Variants in RIMS1 observed in about 807,000 individuals in gnomAD.
The protein encoded by RIMS1 is regulating synaptic membrane exocytosis 1.
RIMS1 carries 83 observed loss-of-function variants against 214.1 expected under a neutral mutation model. The ratio of observed to expected loss-of-function variants is 0.39; its 90% CI spans 0.32 to 0.47. The LOEUF (loss-of-function observed/expected upper bound fraction) is 0.47, where lower values mean the gene tolerates loss of function less well. Among genes scored for constraint, RIMS1 ranks in the 20% least tolerant of loss-of-function variants. The pLI, the probability that RIMS1 is intolerant of heterozygous loss-of-function variation, is 0.99. For missense variants in RIMS1, 2,050 were observed against 2,161.8 expected (o/e 0.95, Z 1.03); for synonymous variants, 793 against 786.8 (o/e 1.01, Z -0.13).
In RIMS1 at chr6:72,064,694, GT is replaced by G. The variant is rs1312985253; in HGVS notation, c.246-32252del. Among the ~76,000 whole-genome samples, 3 of 362 alleles carry G rather than the reference GT, an allele frequency of 8.3e-3. No individual in the cohort carries two copies. The East Asian group carries it at 0.15, about 18-fold the overall frequency. The allele number at this position is 362 out of a possible 152,430, so 0.2% of individuals were successfully genotyped here. Reference sequence around the variant, plus strand: ...TGTTTTTCATTTCTATGATGATGAAGTTTAAAAAAAAATGTTTTTCAGCAGC... The same window carrying G: ...TGTTTTTCATTTCTATGATGATGAAGTTAAAAAAAAATGTTTTTCAGCAGC... On this transcript the variant is annotated intron_variant, in intron 2 of 33. Coordinates refer to ENST00000521978, the MANE Select transcript of RIMS1 (RefSeq NM_014989.7).
At chr6:71,913,275 C>A (rs1269041908) in intron 1 of RIMS1, among the ~76,000 whole-genome samples, 1 of 152,040 alleles carries the variant, frequency 6.6e-6, no homozygotes, top group Non-Finnish European at 1.5e-5. Flanking sequence ...GATAATTAGG[C>A]TTGGCACCTC....
chr6:72,050,164 C>T (rs892655697), intron 2 of RIMS1, among the ~76,000 whole-genome samples: 2 of 152,176 alleles, frequency 1.3e-5, no homozygotes, highest in African/African-American at 4.8e-5. Flanking sequence ...GAGGATGATC[C>T]TGAGCACAGA....
At chr6:72,278,755 G>A (rs928869471) in intron 23 of RIMS1, among the ~76,000 whole-genome samples, 1 of 151,972 alleles carries the variant, frequency 6.6e-6, no homozygotes, top group African/African-American at 2.4e-5. Context: ...TAATATACAG[G>A]AAGGTAAATG....
chr6:72,375,578 C>T (rs1373402209), intron 29 of RIMS1, among the ~76,000 whole-genome samples: 1 of 152,146 alleles, frequency 6.6e-6, no homozygotes, highest in African/African-American at 2.4e-5. Flanking sequence ...CAGAGTGAAA[C>T]ATTTCTAGAT....
intron 2 of RIMS1, among the ~76,000 whole-genome samples, chr6:72,002,420 G>A (rs960934806): frequency 2.0e-5 from 3 of 151,708 alleles, no homozygotes; most frequent in African/African-American, 7.3e-5. Flanking sequence ...TGGAAAAGGG[G>A]AAAAAAAAGG....
At chr6:72,029,031 G>A (rs1817343010) in intron 2 of RIMS1, among the ~76,000 whole-genome samples, 1 of 152,054 alleles carries the variant, frequency 6.6e-6, no homozygotes, top group Non-Finnish European at 1.5e-5. Context: ...AGTTTGCTTG[G>A]TAACCACAGT....
intron 1 of RIMS1, among the ~76,000 whole-genome samples, chr6:71,936,865 T>A (rs1413502713): frequency 6.6e-6 from 1 of 152,232 alleles, no homozygotes; most frequent in Non-Finnish European, 1.5e-5. Context: ...CCACGTCCTT[T>A]TACAGTTCTC....
intron 1 of RIMS1, among the ~76,000 whole-genome samples, chr6:71,893,952 G>A (rs1770795769): frequency 6.6e-6 from 1 of 152,148 alleles, no homozygotes; most frequent in Admixed American, 6.5e-5. Flanking sequence ...TCAATTTTGA[G>A]TTTCAACCCG....
chr6:72,403,093 G>A lies in RIMS1; in HGVS notation c.*2379G>A, dbSNP rs1485590159. The A allele has an allele frequency of 6.6e-6, 1 of 152,176 alleles. No individual in the cohort carries two copies. Among genetic ancestry groups the A allele is most frequent in the Non-Finnish European group, 1.5e-5 (1 of 68,024 alleles). 9.4% of individuals were successfully genotyped at this position (152,176 alleles called of 1,614,324 possible). A position where few individuals can be genotyped will look rare whatever the true frequency, so the allele number is the denominator to read the frequency against. Reference sequence around the variant, plus strand: ...AATCTCAGTAAGAATCAAATGGAAGGTTGTTTTCTGCTGCTGTTTGAATGT... The same window carrying A: ...AATCTCAGTAAGAATCAAATGGAAGATTGTTTTCTGCTGCTGTTTGAATGT... On this transcript the variant is annotated 3_prime_UTR_variant, in exon 34 of 34. Coordinates refer to ENST00000521978, the MANE Select transcript of RIMS1 (RefSeq NM_014989.7).
chr6:72,262,271 A>T (rs2078385129), intron 19 of RIMS1: 3 of 834,284 alleles, frequency 3.6e-6, no homozygotes, highest in East Asian at 2.5e-4. Context: ...CTTATACTTA[A>T]GATTGGTGCT....
intron 2 of RIMS1, among the ~76,000 whole-genome samples, chr6:71,989,917 C>A (rs943119365): frequency 1.3e-5 from 2 of 152,100 alleles, no homozygotes; most frequent in Non-Finnish European, 2.9e-5. Context: ...GTTCCAGGGA[C>A]ATATGGCTTC....
intron 4 of RIMS1, among the ~76,000 whole-genome samples, chr6:72,164,712 C>T (rs551536361): frequency 6.6e-6 from 1 of 151,900 alleles, no homozygotes; most frequent in African/African-American, 2.4e-5. Context: ...GCTTGAAAAA[C>T]AAACATGTCT....
chr6:72,265,863 G>C (rs1021128811), intron 21 of RIMS1, 97 bp from the exon 22 acceptor site: 22 of 775,346 alleles, frequency 2.8e-5, no homozygotes, highest in Non-Finnish European at 4.4e-5. Flanking sequence ...TTGTGTAAAG[G>C]GGACATTATT....
intron 2 of RIMS1, among the ~76,000 whole-genome samples, chr6:72,029,583 A>G (rs1324422363): frequency 1.3e-5 from 2 of 152,102 alleles, no homozygotes; most frequent in Non-Finnish European, 1.5e-5. Context: ...CAGCCTCTAG[A>G]ACTGTGAGAA....
chr6:72,135,844 C>G (rs558959196), intron 4 of RIMS1, among the ~76,000 whole-genome samples: 1 of 152,034 alleles, frequency 6.6e-6, no homozygotes, highest in African/African-American at 2.4e-5. Flanking sequence ...AGGTACCTAC[C>G]CATTTACACC....
intron 2 of RIMS1, among the ~76,000 whole-genome samples, chr6:71,970,643 TC>T (rs1297117875): frequency 5.3e-5 from 8 of 152,220 alleles, no homozygotes; most frequent in Admixed American, 5.2e-4. Flanking sequence ...TGTGGAAACT[TC>T]CCTGTGGCTC....
intron 28 of RIMS1, among the ~76,000 whole-genome samples, chr6:72,331,594 T>G (rs1340950786): frequency 1.3e-5 from 2 of 151,800 alleles, no homozygotes; most frequent in Admixed American, 1.3e-4. Context: ...AGATAATGCA[T>G]TCAAATATGT....
At chr6:72,267,928 AAT>A (rs2081326765) in intron 22 of RIMS1, among the ~76,000 whole-genome samples, 2 of 152,210 alleles carry the variant, frequency 1.3e-5, no homozygotes, top group South Asian at 4.1e-4. Context: ...CTACATATTG[AAT>A]AAAAAGGAAT....
rs545358156 is a variant in RIMS1 at position 72,399,102 on chromosome 6, ATAGT to A, written c.4860+10_4860+13del. 2.7e-5 allele frequency: 42 copies of A among 1,577,406 alleles called. 1 individual carries two copies. The East Asian group carries it at 7.7e-4, about 29-fold the overall frequency. On this transcript the variant is annotated intron_variant, in intron 33 of 33. Transcript: ENST00000521978. ...CAGGGTAAAGTTCTTCAGGTCAGTA[ATAGT>A]TTGTTTGGCTTTTTACATTGAAATG...
Sources: gnomAD v4.1 joint callset for allele counts (sites outside exome capture counted in the v4.1 genomes callset) on GRCh38, gnomAD v4.1.1 for gene constraint, MANE v1.5 for transcripts, NCBI Gene and HGNC (gene_info 2026-07-23, HGNC 2026-07-21) for gene names.